Variants in HS6ST1 observed in about 807,000 individuals in gnomAD.
The protein encoded by HS6ST1 is heparan-sulfate 6-O-sulfotransferase 1.
In HS6ST1, 3 loss-of-function variants were observed where a neutral mutation model predicts 25.2. The ratio of observed to expected loss-of-function variants is 0.12; its 90% CI spans 0.05 to 0.31. The LOEUF is 0.31. Among genes scored for constraint, HS6ST1 ranks in the 10% least tolerant of loss-of-function variants. The probability of loss-of-function intolerance (pLI) is 1.00; values close to 1 mark genes in which losing one functional copy is unlikely to be tolerated. For missense variants in HS6ST1, 310 were observed against 609.6 expected (o/e 0.51, Z 5.18); for synonymous variants, 204 against 275.1 (o/e 0.74, Z 2.56).
At chr2:128,315,931 C>A (rs553501466) in intron 1 of HS6ST1, among the ~76,000 whole-genome samples, 1 of 152,348 alleles carries the variant, frequency 6.6e-6, no homozygotes, top group African/African-American at 2.4e-5. Context: ...GTAGCACAAC[C>A]CACTTCCAGA....
Position 128,266,955 on chromosome 2 carries a change from AAAT to A in HS6ST1, c.*1204_*1206del, listed in dbSNP as rs1218903418. 2.0e-5 allele frequency: 3 copies of A among 152,042 alleles called. No individual in the cohort carries two copies. The highest frequency in any genetic ancestry group is 7.3e-5 in the African/African-American group (3 of 41,348). The allele number at this position is 152,042 out of a possible 1,614,324, so 9.4% of individuals were successfully genotyped here. A position where few individuals can be genotyped will look rare whatever the true frequency, so the allele number is the denominator to read the frequency against. ...TTGCCAGGGGGTGGGGAGCATGGGG[AAAT>A]GCAAGGAGAGCCAGGGTGGGGAGGG... On this transcript the variant is annotated 3_prime_UTR_variant, in exon 2 of 2. Coordinates refer to ENST00000259241, the MANE Select transcript of HS6ST1 (RefSeq NM_004807.3).
At chr2:128,275,813 G>C (rs1324950927) in intron 1 of HS6ST1, among the ~76,000 whole-genome samples, 1 of 152,206 alleles carries the variant, frequency 6.6e-6, no homozygotes, top group African/African-American at 2.4e-5. Flanking sequence ...CATTCCCCAA[G>C]ATGTGGTCAG....
chr2:128,316,707 G>GT (rs1491230219), intron 1 of HS6ST1, among the ~76,000 whole-genome samples: 2 of 151,408 alleles, frequency 1.3e-5, no homozygotes, highest in African/African-American at 4.9e-5. Context: ...GTGTGTGTGT[G>GT]GGTGTGTGTG....
At chr2:128,281,584 G>T (rs141201242) in intron 1 of HS6ST1, among the ~76,000 whole-genome samples, 15 of 152,338 alleles carry the variant, frequency 9.8e-5, no homozygotes, top group African/African-American at 3.4e-4. Flanking sequence ...TTTGTAGAGC[G>T]AAGAGAAAGA....
intron 1 of HS6ST1, among the ~76,000 whole-genome samples, chr2:128,280,782 T>C: frequency 6.6e-6 from 1 of 152,120 alleles, no homozygotes; most frequent in East Asian, 1.9e-4. Context: ...AGGTGCTGTG[T>C]GGGCACAGGG....
intron 1 of HS6ST1, among the ~76,000 whole-genome samples, chr2:128,281,376 A>G (rs1258355494): frequency 1.3e-5 from 2 of 152,238 alleles, no homozygotes; most frequent in Non-Finnish European, 2.9e-5. Context: ...AGAGAGGCTT[A>G]GAAAACAGTG....
chr2:128,308,900 G>A (rs1367317235), intron 1 of HS6ST1, among the ~76,000 whole-genome samples: 2 of 152,212 alleles, frequency 1.3e-5, no homozygotes, highest in African/African-American at 4.8e-5. Context: ...TCTCTTCCCT[G>A]TCTCCAGGAC....
intron 1 of HS6ST1, among the ~76,000 whole-genome samples, chr2:128,295,287 A>G (rs941205441): frequency 6.6e-6 from 1 of 152,170 alleles, no homozygotes; most frequent in African/African-American, 2.4e-5. Context: ...ACTTCAGGGC[A>G]GGGGGTACCA....
chr2:128,276,021 A>C (rs1458302076), intron 1 of HS6ST1, among the ~76,000 whole-genome samples: 1 of 152,244 alleles, frequency 6.6e-6, no homozygotes, highest in South Asian at 2.1e-4. Flanking sequence ...GTGACGAAGA[A>C]GGCACTGCAC....
rs79641191 is a variant in HS6ST1 at position 128,294,414 on chromosome 2, G to A, written c.527+23623C>T. On this transcript the variant is annotated intron_variant, in intron 1 of 1. Transcript: ENST00000259241. Reference sequence around the variant, plus strand: ...TTGGGTCTTCCTTTGTTCTCAGCCTGTCTACTGGGTAGGTGGGACTTGCCA... The same window carrying A: ...TTGGGTCTTCCTTTGTTCTCAGCCTATCTACTGGGTAGGTGGGACTTGCCA... 2.8e-4 allele frequency among the ~76,000 whole-genome samples: 42 copies of A among 152,310 alleles called. No homozygotes were observed. The East Asian group carries it at 8.1e-3, about 29-fold the overall frequency.
At chr2:128,293,345 G>T (rs1558875520) in intron 1 of HS6ST1, among the ~76,000 whole-genome samples, 1 of 152,256 alleles carries the variant, frequency 6.6e-6, no homozygotes, top group Non-Finnish European at 1.5e-5. Flanking sequence ...AATGGCTAAG[G>T]CTTTGAGGCC....
intron 1 of HS6ST1, among the ~76,000 whole-genome samples, chr2:128,315,279 A>T (rs1694344920): frequency 6.6e-6 from 1 of 152,172 alleles, no homozygotes; most frequent in Admixed American, 6.5e-5. Context: ...AGACATCAAA[A>T]ACCTGTCCAT....
At chr2:128,299,425 C>T (rs1353424444) in intron 1 of HS6ST1, among the ~76,000 whole-genome samples, 4 of 152,220 alleles carry the variant, frequency 2.6e-5, no homozygotes, top group East Asian at 3.9e-4. Flanking sequence ...GCTCTGCTGG[C>T]CCCAGTCTCA....
intron 1 of HS6ST1, among the ~76,000 whole-genome samples, chr2:128,313,245 G>C (rs995821668): frequency 1.3e-5 from 2 of 152,124 alleles, no homozygotes; most frequent in African/African-American, 4.8e-5. Flanking sequence ...GGAATCTCCA[G>C]AGGAAATCAG....
intron 1 of HS6ST1, among the ~76,000 whole-genome samples, chr2:128,294,435 T>C (rs1417952117): frequency 1.3e-5 from 2 of 152,160 alleles, no homozygotes; most frequent in African/African-American, 4.8e-5. Flanking sequence ...AGGTGGGACT[T>C]GCCACCTTTA....
chr2:128,314,305 C>T (rs1216757520), intron 1 of HS6ST1, among the ~76,000 whole-genome samples: 6 of 152,110 alleles, frequency 3.9e-5, no homozygotes, highest in South Asian at 4.2e-4. Flanking sequence ...AGACTGACTC[C>T]GTGAACCTGA....
chr2:128,291,836 T>TCCACAG (rs1693956858), intron 1 of HS6ST1, among the ~76,000 whole-genome samples: 2 of 152,150 alleles, frequency 1.3e-5, no homozygotes, highest in Admixed American at 1.3e-4. Flanking sequence ...CGGGCATCTG[T>TCCACAG]CCACAGGCTC....
chr2:128,313,762 C>G (rs1418257662), intron 1 of HS6ST1, among the ~76,000 whole-genome samples: 1 of 152,110 alleles, frequency 6.6e-6, no homozygotes, highest in Non-Finnish European at 1.5e-5. Context: ...ACTGGGCTCT[C>G]TGATCCAGGA....
chr2:128,300,642 AGGGCAGGGT>A (rs1327697820), intron 1 of HS6ST1, among the ~76,000 whole-genome samples: 1 of 152,150 alleles, frequency 6.6e-6, no homozygotes. Flanking sequence ...GCTGTAACTA[AGGGCAGGGT>A]GGGCGGACCA....
Sources: allele counts gnomAD v4.1 joint callset (sites outside exome capture counted in the v4.1 genomes callset), GRCh38; gene constraint gnomAD v4.1.1; transcripts MANE v1.5; gene names NCBI Gene and HGNC (gene_info 2026-07-23, HGNC 2026-07-21).